Variants in PRKG1 observed in about 807,000 individuals in gnomAD.
PRKG1 encodes the protein cGMP-dependent protein kinase 1.
PRKG1 carries 35 observed loss-of-function variants against 88.1 expected under a neutral mutation model. The ratio of observed to expected loss-of-function variants is 0.40; its 90% confidence interval spans 0.30 to 0.53. PRKG1 has a LOEUF of 0.53. PRKG1 is among the 20% of genes least tolerant of loss of function. The pLI is 0.59. For missense variants in PRKG1, 540 were observed against 839.8 expected (o/e 0.64, Z 4.41); for synonymous variants, 303 against 292.5 (o/e 1.04, Z -0.37).
intron 2 of PRKG1, among the ~76,000 whole-genome samples, chr10:51,393,230 G>A (rs1305247116): frequency 1.3e-5 from 2 of 151,250 alleles, no homozygotes; most frequent in East Asian, 2.0e-4. Flanking sequence ...ACAGGGCGGC[G>A]GGGCAGAGAT....
At chr10:51,523,140 T>C (rs1007466270) in intron 3 of PRKG1, among the ~76,000 whole-genome samples, 38 of 152,144 alleles carry the variant, frequency 2.5e-4, no homozygotes, top group African/African-American at 9.2e-4. Flanking sequence ...TGCTTAGATG[T>C]CTTTAAAATA....
chr10:51,012,145 T>C (rs1843001190), intron 1 of PRKG1, among the ~76,000 whole-genome samples: 1 of 152,192 alleles, frequency 6.6e-6, no homozygotes, highest in Non-Finnish European at 1.5e-5. Context: ...AGCCAAACCA[T>C]ATTGCATGGG....
chr10:52,122,996 T>A (rs898251411), intron 7 of PRKG1, among the ~76,000 whole-genome samples: 1 of 152,232 alleles, frequency 6.6e-6, no homozygotes, highest in African/African-American at 2.4e-5. Flanking sequence ...CCTTTCTCTT[T>A]CATTAATTCT....
intron 2 of PRKG1, among the ~76,000 whole-genome samples, chr10:51,293,273 A>G (rs1840631366): frequency 6.6e-6 from 1 of 152,096 alleles, no homozygotes; most frequent in Non-Finnish European, 1.5e-5. Flanking sequence ...CATTATTGTT[A>G]ATTAAAGCAC....
At chr10:51,217,805 A>AT (rs1286717557) in intron 2 of PRKG1, among the ~76,000 whole-genome samples, 1 of 152,112 alleles carries the variant, frequency 6.6e-6, no homozygotes, top group Non-Finnish European at 1.5e-5. Context: ...TGGATGGCAA[A>AT]TGTATAGCAA....
chr10:51,093,355 A>G (rs867635435), intron 1 of PRKG1, among the ~76,000 whole-genome samples: 1 of 152,120 alleles, frequency 6.6e-6, no homozygotes, highest in African/African-American at 2.4e-5. Flanking sequence ...GGCAGACTGT[A>G]CATAAACACT....
chr10:51,835,916 A>G (rs1344250523), intron 4 of PRKG1, among the ~76,000 whole-genome samples: 2 of 152,188 alleles, frequency 1.3e-5, no homozygotes, highest in African/African-American at 2.4e-5. Context: ...GTTTTTAATA[A>G]TAACAAATTT....
At chr10:51,521,797 G>A (rs773625688) in intron 3 of PRKG1, among the ~76,000 whole-genome samples, 1 of 152,188 alleles carries the variant, frequency 6.6e-6, no homozygotes, top group Non-Finnish European at 1.5e-5. Context: ...CACGTAATTA[G>A]TCATTTCAGT....
At position 52,276,776 on chromosome 10, in the gene PRKG1, C is replaced by T. The variant is rs536269870; in HGVS notation, c.1404-4013C>T. ...TTGTTTTAAATCAAATTTACATTGTCATTTCCAATTCTAATAGTAATTTTT... is the reference window on the plus strand; with the variant it reads ...TTGTTTTAAATCAAATTTACATTGTTATTTCCAATTCTAATAGTAATTTTT... On this transcript the variant is annotated intron_variant, in intron 12 of 17. Transcript: ENST00000373980. Among the ~76,000 whole-genome samples the T allele has an allele frequency of 2.0e-5, 3 of 152,238 alleles. No individual in the cohort carries two copies. The East Asian group carries it at 5.8e-4, about 29-fold the overall frequency.
intron 2 of PRKG1, among the ~76,000 whole-genome samples, chr10:51,432,044 G>A (rs1041001357): frequency 1.3e-5 from 2 of 152,092 alleles, no homozygotes; most frequent in African/African-American, 4.8e-5. Context: ...ATTTAATAGA[G>A]CCTTGACACA....
At chr10:51,951,638 A>G (rs1427369646) in intron 5 of PRKG1, among the ~76,000 whole-genome samples, 1 of 152,182 alleles carries the variant, frequency 6.6e-6, no homozygotes, top group Non-Finnish European at 1.5e-5. Flanking sequence ...TAGAATTTAA[A>G]ATGAGATAGT....
At chr10:51,735,142 A>G (rs1837230898) in intron 3 of PRKG1, among the ~76,000 whole-genome samples, 1 of 152,202 alleles carries the variant, frequency 6.6e-6, no homozygotes, top group African/African-American at 2.4e-5. Context: ...AATGGAAACC[A>G]CGCAAAAACA....
intron 3 of PRKG1, among the ~76,000 whole-genome samples, chr10:51,802,126 G>A (rs1435256475): frequency 1.3e-5 from 2 of 152,084 alleles, no homozygotes; most frequent in African/African-American, 4.8e-5. Context: ...ACTCCAGCAG[G>A]CTAGTTAAAA....
At chr10:51,281,936 G>A (rs551365704) in intron 2 of PRKG1, among the ~76,000 whole-genome samples, 1 of 152,260 alleles carries the variant, frequency 6.6e-6, no homozygotes, top group East Asian at 1.9e-4. Context: ...TCAGACTAAT[G>A]AAATCAGCAT....
At chr10:51,223,265 C>T (rs545118492) in intron 2 of PRKG1, among the ~76,000 whole-genome samples, 56 of 152,106 alleles carry the variant, frequency 3.7e-4, no homozygotes, top group South Asian at 1.2e-3. Context: ...AAAGAGAGAA[C>T]ATTTTTATAG....
intron 2 of PRKG1, among the ~76,000 whole-genome samples, chr10:51,332,121 T>C (rs765025650): frequency 2.8e-4 from 43 of 152,196 alleles, no homozygotes; most frequent in Non-Finnish European, 5.0e-4. Flanking sequence ...TTAAAAAATA[T>C]GGAGAAATGT....
chr10:52,215,597 G>A (rs976586481), intron 9 of PRKG1, among the ~76,000 whole-genome samples: 3 of 151,950 alleles, frequency 2.0e-5, no homozygotes, highest in Non-Finnish European at 4.4e-5. Flanking sequence ...ATACACTTTG[G>A]TGGTATTCAT....
chr10:51,417,942 C>T (rs1838289396), intron 2 of PRKG1, among the ~76,000 whole-genome samples: 1 of 152,154 alleles, frequency 6.6e-6, no homozygotes, highest in African/African-American at 2.4e-5. Flanking sequence ...TGGAACATGG[C>T]AAAGCCCTAT....
chr10:52,216,342 T>C (rs924883783), intron 9 of PRKG1, among the ~76,000 whole-genome samples: 1 of 152,176 alleles, frequency 6.6e-6, no homozygotes, highest in African/African-American at 2.4e-5. Context: ...GCTCCTGGGC[T>C]GGGGATCTTT....
Sources: allele counts gnomAD v4.1 joint callset (sites outside exome capture counted in the v4.1 genomes callset), GRCh38; gene constraint gnomAD v4.1.1; transcripts MANE v1.5; gene names NCBI Gene and HGNC (gene_info 2026-07-23, HGNC 2026-07-21).